LMNTD1: variants seen among roughly 807,000 people sequenced by gnomAD.
LMNTD1 encodes lamin tail domain containing 1.
A neutral mutation model predicts 50.9 loss-of-function variants in LMNTD1; 35 were observed. That is an observed-to-expected ratio of 0.69 (90% CI 0.53 to 0.91). The LOEUF (loss-of-function observed/expected upper bound fraction) is 0.91. Ranked by LOEUF, LMNTD1 falls within the 40% of genes least tolerant of loss-of-function variation. The pLI is 0.00. For missense variants in LMNTD1, 470 were observed against 475.5 expected (o/e 0.99, Z 0.11); for synonymous variants, 153 against 161.9 (o/e 0.94, Z 0.42).
At chr12:25,553,347 G>A, upstream of LMNTD1, 2 of 962,258 alleles carry the variant, frequency 2.1e-6, no homozygotes, top group Non-Finnish European at 2.8e-6. Flanking sequence ...TAGTAACCAA[G>A]TTCCAGTTTC....
intron 8 of LMNTD1, among the ~76,000 whole-genome samples, chr12:25,508,353 G>T (rs2046035): frequency 0.17 from 25,901 of 151,938 alleles, 2,452 homozygotes; most frequent in East Asian, 0.31. Flanking sequence ...GTATGTTTTT[G>T]AATTTTATAT....
chr12:25,553,179 C>A lies in LMNTD1; in HGVS notation c.-141G>T. ...TATGTAAGTACCAACATAGCCAATC[C>A]TGATCTTGGCTAAGGATGTCGGACA... On this transcript the variant is annotated 5_prime_UTR_variant, in exon 1 of 10. The change creates a new upstream start codon in the 5' untranslated region. Transcript: ENST00000458174. 1 of 1,596,036 alleles carries A rather than the reference C, an allele frequency of 6.3e-7. No homozygotes were observed. Among genetic ancestry groups the A allele is most frequent in the South Asian group, 1.1e-5 (1 of 87,168 alleles).
chr12:25,483,373 T>C (rs1938508390), intron 9 of LMNTD1, among the ~76,000 whole-genome samples: 1 of 151,782 alleles, frequency 6.6e-6, no homozygotes, highest in Non-Finnish European at 1.5e-5. Flanking sequence ...CAGTGAGCTA[T>C]GATCATGCCA....
chr12:25,508,680 T>C (rs1270762891), intron 8 of LMNTD1, among the ~76,000 whole-genome samples: 1 of 152,142 alleles, frequency 6.6e-6, no homozygotes, highest in African/African-American at 2.4e-5. Flanking sequence ...GTAATTAGTA[T>C]GTGTATATTC....
intron 1 of LMNTD1, among the ~76,000 whole-genome samples, chr12:25,632,069 G>A (rs568218076): frequency 6.6e-6 from 1 of 152,214 alleles, no homozygotes; most frequent in South Asian, 2.1e-4. Context: ...TCGAAGACAA[G>A]GTCTTCAAAT....
intron 9 of LMNTD1, among the ~76,000 whole-genome samples, chr12:25,489,298 C>T (rs1484360408): frequency 2.0e-5 from 3 of 150,456 alleles, no homozygotes; most frequent in Non-Finnish European, 4.4e-5. Flanking sequence ...GGCGTAGGAC[C>T]CTCCGAGCCA....
chr12:25,519,045 G>T, intron 7 of LMNTD1, 78 bp from the exon 8 acceptor site: 1 of 1,341,584 alleles, frequency 7.5e-7, no homozygotes, highest in Non-Finnish European at 1.0e-6. Flanking sequence ...ACAATTAAAG[G>T]GGAAGCATAT....
intron 9 of LMNTD1, among the ~76,000 whole-genome samples, chr12:25,488,577 A>G (rs1226543921): frequency 4.0e-5 from 6 of 149,374 alleles, no homozygotes; most frequent in Non-Finnish European, 8.9e-5. Context: ...CTTTGGTTTG[A>G]ATGTCCTCCC....
At chr12:25,546,957 A>G (rs1471719383) in intron 3 of LMNTD1, among the ~76,000 whole-genome samples, 1 of 151,678 alleles carries the variant, frequency 6.6e-6, no homozygotes, top group Admixed American at 6.6e-5. Context: ...AAATTCCCAA[A>G]TGGCTACCCA....
chr12:25,495,209 TTTTC>T (rs1423148873), intron 9 of LMNTD1, among the ~76,000 whole-genome samples: 2 of 151,622 alleles, frequency 1.3e-5, no homozygotes, highest in Non-Finnish European at 2.9e-5. Context: ...CCATTTCATA[TTTTC>T]TTTTACTATT....
intron 9 of LMNTD1, among the ~76,000 whole-genome samples, chr12:25,478,582 C>T (rs747271873): frequency 2.6e-5 from 4 of 152,102 alleles, no homozygotes; most frequent in Non-Finnish European, 5.9e-5. Flanking sequence ...GTCAGGAGTT[C>T]GAGACCATCC....
chr12:25,523,591 T>C (rs1941497508), intron 6 of LMNTD1, among the ~76,000 whole-genome samples: 1 of 152,128 alleles, frequency 6.6e-6, no homozygotes, highest in East Asian at 1.9e-4. Flanking sequence ...GTAAATTGTC[T>C]TTTTAAGGAA....
chr12:25,635,162 C>T (rs1946802521), intron 1 of LMNTD1, among the ~76,000 whole-genome samples: 3 of 151,462 alleles, frequency 2.0e-5, no homozygotes, highest in South Asian at 2.1e-4. Context: ...ATCGCTTAAA[C>T]CCAGGAGGTG....
At chr12:25,601,046 C>A (rs1382091722) in intron 1 of LMNTD1, among the ~76,000 whole-genome samples, 1 of 151,932 alleles carries the variant, frequency 6.6e-6, no homozygotes, top group African/African-American at 2.4e-5. Context: ...TTGGAAGCAA[C>A]CTAAGTATCC....
At chr12:25,556,430 G>A (rs1307020553), upstream of LMNTD1, among the ~76,000 whole-genome samples, 2 of 152,172 alleles carry the variant, frequency 1.3e-5, no homozygotes, top group Non-Finnish European at 2.9e-5. Context: ...CCATCTATTA[G>A]AGAGACCTCC....
In LMNTD1 at chr12:25,476,344, T is replaced by C. The variant is rs1938262773; in HGVS notation, c.*139A>G. On this transcript the variant is annotated 3_prime_UTR_variant, in exon 10 of 10. Transcript: ENST00000458174. ...ATACAAATTTTGGATCCTTTTTCCA[T>C]ATAGAAATGTGATGTCTTCACCCTC... The C allele has an allele frequency of 6.6e-6, 1 of 152,206 alleles. No individual in the cohort carries two copies. The highest frequency in any genetic ancestry group is 2.4e-5 in the African/African-American group (1 of 41,440). 9.4% of individuals were successfully genotyped at this position (152,206 alleles called of 1,614,324 possible). A position where few individuals can be genotyped will look rare whatever the true frequency, so the allele number is the denominator to read the frequency against.
At chr12:25,640,939 T>A (rs1946949480) in intron 1 of LMNTD1, among the ~76,000 whole-genome samples, 2 of 152,198 alleles carry the variant, frequency 1.3e-5, no homozygotes, top group Non-Finnish European at 2.9e-5. Context: ...AGTGTTGGGA[T>A]TACAGGCGTA....
At chr12:25,618,130 T>C (rs1946386134) in intron 1 of LMNTD1, among the ~76,000 whole-genome samples, 1 of 152,182 alleles carries the variant, frequency 6.6e-6, no homozygotes, top group Non-Finnish European at 1.5e-5. Flanking sequence ...ACTGCTTTTG[T>C]AACTTCCTGT....
In LMNTD1 at chr12:25,552,853, G is replaced by T; in HGVS notation, c.89+18C>A. ...ACTCAGCTCTAACTCTGCTTCCATC[G>T]CATCTATGCATGCTCACTGTTTTTG... is the stretch of plus-strand genomic sequence containing the variant. On this transcript the variant is annotated intron_variant, in intron 2 of 9. Coordinates refer to ENST00000458174, the MANE Select transcript of LMNTD1 (RefSeq NM_001145728.2). 7.1e-7 allele frequency: 1 copy of T among 1,408,148 alleles called. No homozygotes were observed. Among genetic ancestry groups the T allele is most frequent in the Non-Finnish European group, 9.8e-7 (1 of 1,016,294 alleles). The allele number at this position is 1,408,148 out of a possible 1,614,324, so 87.2% of individuals were successfully genotyped here. A position where few individuals can be genotyped will look rare whatever the true frequency, so the allele number is the denominator to read the frequency against.
Sources: gnomAD v4.1 joint callset for allele counts (sites outside exome capture counted in the v4.1 genomes callset) on GRCh38, gnomAD v4.1.1 for gene constraint, MANE v1.5 for transcripts, NCBI Gene and HGNC (gene_info 2026-07-23, HGNC 2026-07-21) for gene names.